Variants in APLN observed in about 807,000 individuals in gnomAD.
APLN encodes apelin.
A neutral mutation model predicts 4.3 loss-of-function variants in APLN; 2 were observed. That is an observed-to-expected ratio of 0.46 (90% CI 0.19 to 1.45). APLN has a LOEUF of 1.45. Among genes scored for constraint, APLN ranks in the 40% most tolerant of loss-of-function variants. APLN has a pLI of 0.25. For synonymous variants in APLN, 34 were observed against 30.4 expected (o/e 1.12, Z -0.38); for missense variants, 80 against 70.0 (o/e 1.14, Z -0.51).
At chrX:129,651,824 G>A (rs896897665) in intron 1 of APLN, among the ~76,000 whole-genome samples, 7 of 112,152 alleles carry the variant, frequency 6.2e-5, no homozygotes, top group Middle Eastern at 4.6e-3. Context: ...CCAAACGTAT[G>A]CTCCGGTGGG....
rs1163377601 is a variant in APLN at position 129,654,642 on chromosome X, GGCCGCCGCGGCCCCGGCGA to G, written c.-31_-13del. 6 of 1,102,230 alleles carry G rather than the reference GGCCGCCGCGGCCCCGGCGA, an allele frequency of 5.4e-6. No homozygotes were observed. The highest frequency in any genetic ancestry group is 7.8e-5 in the East Asian group (2 of 25,737). 90.8% of individuals were successfully genotyped at this position (1,102,230 alleles called of 1,213,427 possible). ...AGCCGCAGATTCATGCTGCTCCTTG[GGCCGCCGCGGCCCCGGCGA>G]GCCGGCGCGGGGGAGGAGAGGTCGG... On this transcript the variant is annotated 5_prime_UTR_variant, in exon 1 of 3. Transcript: ENST00000429967.
rs777852740 is a variant in APLN at position 129,647,934 on chromosome X, G to C, written c.*6-17C>G. 2.4e-5 allele frequency: 24 copies of C among 980,180 alleles called. No homozygotes were observed. Among genetic ancestry groups the C allele is most frequent in the South Asian group, 8.0e-5 (4 of 50,288 alleles). The allele number at this position is 980,180 out of a possible 1,213,427, so 80.8% of individuals were successfully genotyped here. Reference sequence around the variant, plus strand: ...CCTTCAGTCCTAAGGAGACAAAAATGACAAGAGAGAAGTCATGGACATATC... The same window carrying C: ...CCTTCAGTCCTAAGGAGACAAAAATCACAAGAGAGAAGTCATGGACATATC... On this transcript the variant is annotated splice_polypyrimidine_tract_variant and intron_variant, in intron 2 of 2. Transcript: ENST00000429967.
chrX:129,647,899 C>G lies in APLN; in HGVS notation c.*24G>C. On this transcript the variant is annotated 3_prime_UTR_variant, in exon 3 of 3. Coordinates refer to ENST00000429967, the MANE Select transcript of APLN (RefSeq NM_017413.5). ...GAGACATAACCGCCGGGGGTGGGCACTTGGGGGCCCCTTCAGTCCTAAGGA... is the reference window on the plus strand; with the variant it reads ...GAGACATAACCGCCGGGGGTGGGCAGTTGGGGGCCCCTTCAGTCCTAAGGA... 1.0e-6 allele frequency: 1 copy of G among 982,998 alleles called. No individual in the cohort carries two copies. Among genetic ancestry groups the G allele is most frequent in the Non-Finnish European group, 1.3e-6 (1 of 756,133 alleles). The allele number at this position is 982,998 out of a possible 1,213,427, so 81.0% of individuals were successfully genotyped here.
chrX:129,647,557 G>A lies in APLN; in HGVS notation c.*366C>T. 2.1e-6 allele frequency: 2 copies of A among 935,792 alleles called. No homozygotes were observed. Among genetic ancestry groups the A allele is most frequent in the Non-Finnish European group, 2.8e-6 (2 of 724,447 alleles). The allele number at this position is 935,792 out of a possible 1,213,427, so 77.1% of individuals were successfully genotyped here. A position where few individuals can be genotyped will look rare whatever the true frequency, so the allele number is the denominator to read the frequency against. ...GGGAGCACTTCCACCCCGCGCTCAGGGCAGACATGAGGAAGGAAGGCCCAA... is the reference window on the plus strand; with the variant it reads ...GGGAGCACTTCCACCCCGCGCTCAGAGCAGACATGAGGAAGGAAGGCCCAA... On this transcript the variant is annotated 3_prime_UTR_variant, in exon 3 of 3. Coordinates refer to ENST00000429967, the MANE Select transcript of APLN (RefSeq NM_017413.5).
At position 129,647,634 on chromosome X, in the gene APLN, C is replaced by A. The variant is rs751968070; in HGVS notation, c.*289G>T. On this transcript the variant is annotated 3_prime_UTR_variant, in exon 3 of 3. Transcript: ENST00000429967. ...CAGGCAGGGACTAGGGCGGAGGGGA[C>A]CTGGAGAAGAAGGGAGGCTTTCTGG... 2 of 979,849 alleles carry A rather than the reference C, an allele frequency of 2.0e-6. No individual in the cohort carries two copies. Among genetic ancestry groups the A allele is most frequent in the African/African-American group, 4.0e-5 (2 of 49,893 alleles). The allele number at this position is 979,849 out of a possible 1,213,427, so 80.8% of individuals were successfully genotyped here.
Position 129,648,664 on chromosome X carries a change from G to A in APLN, c.196C>T (p.Arg66Trp), listed in dbSNP as rs1352318089. The A allele has an allele frequency of 5.9e-6, 7 of 1,193,191 alleles. No homozygotes were observed. The highest frequency in any genetic ancestry group is 1.8e-5 in the South Asian group (1 of 54,108). Residue 66 changes from arginine to tryptophan, a missense_variant, in exon 2 of 3, where the codon CGG becomes TGG. Physicochemically the swap from Arg to Trp is moderately radical, Grantham distance 101 (BLOSUM62 -3). Transcript: ENST00000429967. Reference protein sequence around the residue: ...QGGRRKFRRQRPRLSHKGPMP... With the variant: ...QGGRRKFRRQWPRLSHKGPMP... ...GGTCCCTTATGGGAGAGGCGGGGCCGCTGGCGGCGGAATTTCCTCCGACCT... is the reference window on the plus strand; with the variant it reads ...GGTCCCTTATGGGAGAGGCGGGGCCACTGGCGGCGGAATTTCCTCCGACCT...
At chrX:129,652,275 G>C (rs767007580) in intron 1 of APLN, among the ~76,000 whole-genome samples, 32 of 111,828 alleles carry the variant, frequency 2.9e-4, no homozygotes, top group African/African-American at 1.0e-3. Context: ...GGAGGCAGTG[G>C]AGGAGTGTAC....
At chrX:129,654,410 C>A (rs1358198909) in intron 1 of APLN, among the ~76,000 whole-genome samples, 154 bp downstream of exon 1, 1 of 113,081 alleles carries the variant, frequency 8.8e-6, no homozygotes, top group Non-Finnish European at 1.9e-5. Context: ...TGGCTCGGGG[C>A]GCTCTGTCAA....
chrX:129,651,196 G>A (rs1936976827), intron 1 of APLN, among the ~76,000 whole-genome samples: 2 of 111,052 alleles, frequency 1.8e-5, no homozygotes, highest in African/African-American at 3.3e-5. Context: ...ACCACTCTGA[G>A]CTGACTGAAC....
chrX:129,654,833 G>A lies in APLN; in HGVS notation c.-203C>T. ...CTTCTGCAGCCTCCTCTCCCGCCGC[G>A]GGGCAGCGCCGCGAAGCTGGCCTCG... On this transcript the variant is annotated 5_prime_UTR_variant, in exon 1 of 3. Transcript: ENST00000429967. 4.8e-6 allele frequency: 1 copy of A among 206,710 alleles called. No homozygotes were observed. 17.0% of individuals were successfully genotyped at this position (206,710 alleles called of 1,213,427 possible). A position where few individuals can be genotyped will look rare whatever the true frequency, so the allele number is the denominator to read the frequency against.
intron 1 of APLN, among the ~76,000 whole-genome samples, chrX:129,654,214 C>T (rs764260127): frequency 3.5e-5 from 4 of 113,384 alleles, no homozygotes; most frequent in African/African-American, 1.3e-4. Context: ...CACGAGGGAG[C>T]GGGCATGTCC....
intron 1 of APLN, among the ~76,000 whole-genome samples, chrX:129,650,784 C>T (rs1936974047): frequency 2.7e-5 from 3 of 111,767 alleles, no homozygotes; most frequent in South Asian, 3.7e-4. Context: ...CACTAAGCTC[C>T]CCACTGCAGC....
rs2281069 is a variant in APLN, at chrX:129,654,737, A to G, written c.-107T>C. ...AGCCGCGGCTGGCGCGTGCGGGCGC[A>G]GAGCTCGGGAGGCTCCCCGGCCGCT... On this transcript the variant is annotated 5_prime_UTR_variant, in exon 1 of 3. Transcript: ENST00000429967. 0.093 allele frequency: 47,390 copies of G among 509,770 alleles called. 3,124 individuals are homozygous for G. The highest frequency in any genetic ancestry group is 0.34 in the African/African-American group (13,462 of 39,762). 42.0% of individuals were successfully genotyped at this position (509,770 alleles called of 1,213,427 possible). A position where few individuals can be genotyped will look rare whatever the true frequency, so the allele number is the denominator to read the frequency against.
intron 1 of APLN, 127 bp downstream of exon 1, chrX:129,654,437 G>T (rs1936996043): frequency 1.9e-6 from 1 of 536,002 alleles, no homozygotes. Flanking sequence ...GCCTGGCGCT[G>T]GCCGGCGCGT....
chrX:129,646,199 A>T lies in APLN; in HGVS notation c.*1724T>A. On this transcript the variant is annotated 3_prime_UTR_variant, in exon 3 of 3. Coordinates refer to ENST00000429967, the MANE Select transcript of APLN (RefSeq NM_017413.5). Reference sequence around the variant, plus strand: ...GTCCCCACTCCAAGCATGAGCCTTTAAGCAGCAGCAGCAGCAGCAGCAGCG... The same window carrying T: ...GTCCCCACTCCAAGCATGAGCCTTTTAGCAGCAGCAGCAGCAGCAGCAGCG... 1 of 124,770 alleles carries T rather than the reference A, an allele frequency of 8.0e-6. No homozygotes were observed. Among genetic ancestry groups the T allele is most frequent in the Non-Finnish European group, 1.7e-5 (1 of 59,667 alleles). The allele number at this position is 124,770 out of a possible 1,213,427, so 10.3% of individuals were successfully genotyped here. A position where few individuals can be genotyped will look rare whatever the true frequency, so the allele number is the denominator to read the frequency against.
intron 1 of APLN, among the ~76,000 whole-genome samples, chrX:129,649,626 G>A (rs886732992): frequency 5.4e-5 from 6 of 112,002 alleles, no homozygotes; most frequent in Non-Finnish European, 1.1e-4. Flanking sequence ...CTGTGCACCA[G>A]GAGGGGGGTG....
At chrX:129,653,215 C>T (rs760083777) in intron 1 of APLN, among the ~76,000 whole-genome samples, 1 of 112,580 alleles carries the variant, frequency 8.9e-6, no homozygotes, top group South Asian at 3.7e-4. Flanking sequence ...CCAGCCCCAA[C>T]CACTGCACCT....
In APLN at chrX:129,645,616, C is replaced by G. The variant is rs1305412923; in HGVS notation, c.*2307G>C. 8.9e-6 allele frequency: 1 copy of G among 112,365 alleles called. No individual in the cohort carries two copies. The highest frequency in any genetic ancestry group is 3.2e-5 in the African/African-American group (1 of 30,778). 9.3% of individuals were successfully genotyped at this position (112,365 alleles called of 1,213,427 possible). ...GTAAGTGGGCTGGATTTTATGTGAC[C>G]TGGTCATTAAGCATAGGGATTCATT... On this transcript the variant is annotated 3_prime_UTR_variant, in exon 3 of 3. Coordinates refer to ENST00000429967, the MANE Select transcript of APLN (RefSeq NM_017413.5).
chrX:129,653,704 A>T (rs570875911), intron 1 of APLN, among the ~76,000 whole-genome samples: 75 of 110,829 alleles, frequency 6.8e-4, no homozygotes, highest in Non-Finnish European at 1.2e-3. Flanking sequence ...GGGCAAAAGG[A>T]CTCCCCTTTC....
Sources: allele counts gnomAD v4.1 joint callset (sites outside exome capture counted in the v4.1 genomes callset), GRCh38; gene constraint gnomAD v4.1.1; transcripts MANE v1.5; gene names NCBI Gene and HGNC (gene_info 2026-07-23, HGNC 2026-07-21).